The following STAU2 variants were observed in gnomAD, a reference collection of about 807,000 sequenced individuals.
STAU2 encodes the protein staufen double-stranded RNA binding protein 2.
Under a neutral mutation model 65.9 loss-of-function variants are expected in STAU2, and 20 were observed. That is an observed-to-expected ratio of 0.30 (90% CI 0.21 to 0.44). The LOEUF (loss-of-function observed/expected upper bound fraction) is 0.44. Among genes scored for constraint, STAU2 ranks in the 20% least tolerant of loss-of-function variants. The probability of loss-of-function intolerance (pLI) is 1.00; values close to 1 mark genes in which losing one functional copy is unlikely to be tolerated. For synonymous variants in STAU2, 232 were observed against 233.9 expected (o/e 0.99, Z 0.07); for missense variants, 558 against 683.9 (o/e 0.82, Z 2.05).
At chr8:73,476,519 T>C (rs191552024) in intron 13 of STAU2, among the ~76,000 whole-genome samples, 355 of 152,322 alleles carry the variant, frequency 2.3e-3, no homozygotes, top group African/African-American at 7.9e-3. Flanking sequence ...ACTATGACTT[T>C]GTATTATGAC....
At chr8:73,469,249 G>T (rs1819838961) in intron 13 of STAU2, among the ~76,000 whole-genome samples, 1 of 152,012 alleles carries the variant, frequency 6.6e-6, no homozygotes, top group South Asian at 2.1e-4. Context: ...GGTGGGAATT[G>T]AACAATGAGA....
At chr8:73,470,751 C>G (rs186919613) in intron 13 of STAU2, among the ~76,000 whole-genome samples, 1 of 152,034 alleles carries the variant, frequency 6.6e-6, no homozygotes, top group Admixed American at 6.5e-5. Flanking sequence ...CTGCAATGAG[C>G]TATGATTGCA....
In STAU2 at chr8:73,688,711, A is replaced by G. The variant is rs201896770; in HGVS notation, c.217T>C (p.Ser73Pro). 1 of 1,614,182 alleles carries G rather than the reference A, an allele frequency of 6.2e-7. No individual in the cohort carries two copies. The highest frequency in any genetic ancestry group is 1.3e-5 in the African/African-American group (1 of 75,038). The stretch of plus-strand genomic sequence containing the variant: ...TTCTGAACTGGTTTGGGAAGCGTAG[A>G]TTCAGTCAAAGCTTTATTGGCAACA... ...QAVANKALTE[S>P]TLPKPVQKPP... The change falls in exon 5 of 15, where the codon TCT (serine) becomes CCT (proline). Residue 73 changes from serine (S) to proline (P), a missense_variant. Around this residue, in one of 3 missense-constraint regions of STAU2, gnomAD observed 112 missense variants for 114.2 expected, o/e 0.98. Coordinates refer to ENST00000524300, the MANE Select transcript of STAU2 (RefSeq NM_001164380.2).
chr8:73,542,959 C>G (rs1806647217), intron 13 of STAU2, among the ~76,000 whole-genome samples: 1 of 152,160 alleles, frequency 6.6e-6, no homozygotes, highest in African/African-American at 2.4e-5. Context: ...AAACATATGT[C>G]TGCACAAAAT....
At chr8:73,575,371 G>A (rs968056605) in intron 12 of STAU2, among the ~76,000 whole-genome samples, 1 of 152,106 alleles carries the variant, frequency 6.6e-6, no homozygotes, top group African/African-American at 2.4e-5. Context: ...AGGGAAACAG[G>A]AAATCTCCTA....
intron 6 of STAU2, among the ~76,000 whole-genome samples, chr8:73,625,898 T>C (rs992031233): frequency 1.3e-5 from 2 of 152,184 alleles, no homozygotes; most frequent in African/African-American, 4.8e-5. Flanking sequence ...TTTTGCACTC[T>C]AGGATGTTAC....
At chr8:73,444,047 G>A (rs532379350) in intron 13 of STAU2, among the ~76,000 whole-genome samples, 9 of 152,150 alleles carry the variant, frequency 5.9e-5, no homozygotes, top group South Asian at 2.1e-4. Context: ...TAGCATTATC[G>A]TCCTCTCCTT....
chr8:73,646,855 T>C (rs752633856), intron 6 of STAU2, among the ~76,000 whole-genome samples: 4 of 149,450 alleles, frequency 2.7e-5, no homozygotes, highest in Non-Finnish European at 5.9e-5. Context: ...TATACAAAAC[T>C]CTCAAAACTC....
At chr8:73,656,978 C>T (rs1005203089) in intron 6 of STAU2, among the ~76,000 whole-genome samples, 8 of 152,090 alleles carry the variant, frequency 5.3e-5, no homozygotes, top group East Asian at 1.9e-4. Context: ...GTATTAATGG[C>T]GAACACTAGG....
intron 13 of STAU2, among the ~76,000 whole-genome samples, chr8:73,452,210 A>G (rs1818836513): frequency 6.6e-6 from 1 of 152,018 alleles, no homozygotes; most frequent in African/African-American, 2.4e-5. Context: ...CCCTCCAATT[A>G]TCCACTGCCT....
chr8:73,557,446 T>C (rs1278322514), intron 12 of STAU2, among the ~76,000 whole-genome samples: 1 of 152,196 alleles, frequency 6.6e-6, no homozygotes. Flanking sequence ...TTCAATAGTA[T>C]AAAGATCTAA....
intron 4 of STAU2, among the ~76,000 whole-genome samples, chr8:73,708,210 T>G (rs558120916): frequency 6.6e-6 from 1 of 152,332 alleles, no homozygotes; most frequent in Non-Finnish European, 1.5e-5. Flanking sequence ...TTCCTTAGTT[T>G]GTAGGAGATG....
intron 13 of STAU2, among the ~76,000 whole-genome samples, chr8:73,451,064 C>T (rs1671265960): frequency 6.6e-6 from 1 of 152,222 alleles, no homozygotes; most frequent in Non-Finnish European, 1.5e-5. Context: ...GATCCACACG[C>T]TGCCGGCAAA....
At chr8:73,647,070 T>G (rs193258710) in intron 6 of STAU2, among the ~76,000 whole-genome samples, 1 of 151,654 alleles carries the variant, frequency 6.6e-6, no homozygotes, top group East Asian at 1.9e-4. Context: ...ATAAAAATAG[T>G]GACAACCACA....
intron 11 of STAU2, among the ~76,000 whole-genome samples, chr8:73,584,781 G>A (rs1810242334): frequency 6.6e-6 from 1 of 152,186 alleles, no homozygotes; most frequent in African/African-American, 2.4e-5. Context: ...GGTACGGCCA[G>A]GATGGAAAGG....
intron 13 of STAU2, among the ~76,000 whole-genome samples, chr8:73,447,332 T>TC (rs1369380583): frequency 2.6e-5 from 4 of 152,324 alleles, no homozygotes; most frequent in South Asian, 2.1e-4. Context: ...AACTTTTTTT[T>TC]CCCACATAAT....
intron 6 of STAU2, among the ~76,000 whole-genome samples, chr8:73,646,178 G>A (rs1463069913): frequency 2.0e-5 from 3 of 152,200 alleles, no homozygotes; most frequent in Non-Finnish European, 2.9e-5. Context: ...AAATTGAAAT[G>A]TAGGTCTACA....
chr8:73,636,297 A>G (rs1008019444), intron 6 of STAU2, among the ~76,000 whole-genome samples: 4 of 151,968 alleles, frequency 2.6e-5, no homozygotes, highest in Non-Finnish European at 4.4e-5. Flanking sequence ...GGATCACCTG[A>G]GCCTGGGAGG....
chr8:73,669,085 C>T (rs528473342), intron 6 of STAU2: 1 of 702,246 alleles, frequency 1.4e-6, no homozygotes, highest in East Asian at 2.7e-5. Context: ...CTCCAGAGTC[C>T]CTGTAATCCA....
Sources: allele counts gnomAD v4.1 joint callset (sites outside exome capture counted in the v4.1 genomes callset), GRCh38; gene constraint gnomAD v4.1.1; regional missense constraint gnomAD v4.1.1; transcripts MANE v1.5; gene names NCBI Gene and HGNC (gene_info 2026-07-23, HGNC 2026-07-21).